Variants in CBLB observed in about 807,000 individuals in gnomAD.
CBLB encodes Cbl proto-oncogene B, also known as E3 ubiquitin-protein ligase CBL-B.
CBLB carries 31 observed loss-of-function variants against 104.9 expected under a neutral mutation model. The ratio of observed to expected loss-of-function variants is 0.30; its 90% confidence interval spans 0.22 to 0.40. The LOEUF is 0.40. CBLB is among the 10% of genes least tolerant of loss of function. CBLB has a pLI of 1.00. For missense variants in CBLB, 1,062 were observed against 1,214.6 expected, an observed-to-expected ratio of 0.87 and a Z score of 1.87; for synonymous variants, 440 against 422.6, an observed-to-expected ratio of 1.04 and a Z score of -0.51.
chr3:105,846,565 G>A (rs548642124), intron 3 of CBLB, among the ~76,000 whole-genome samples: 1 of 152,140 alleles, frequency 6.6e-6, no homozygotes, highest in East Asian at 1.9e-4. Context: ...AAATGTCTGA[G>A]GTGAAAATGT....
At position 105,809,305 on chromosome 3, in the gene CBLB, C is replaced by T. The variant is rs1282986207; in HGVS notation, c.420-32763G>A. 5.3e-5 allele frequency among the ~76,000 whole-genome samples: 8 copies of T among 152,302 alleles called. No individual in the cohort carries two copies. The South Asian group carries it at 8.3e-4, about 16-fold the overall frequency. ...AACATACCCAACACTTGAGTTTCAT[C>T]ATAGGAGATTATTAACATAGACTGA... On this transcript the variant is annotated intron_variant, in intron 3 of 18. Transcript: ENST00000394030.
chr3:105,820,235 C>T (rs569923354), intron 3 of CBLB, among the ~76,000 whole-genome samples: 2 of 152,102 alleles, frequency 1.3e-5, no homozygotes, highest in Admixed American at 6.5e-5. Context: ...TGACAGGAGG[C>T]GGAGCCCAGG....
chr3:105,867,502 T>G lies in CBLB; in HGVS notation c.76A>C (p.Ile26Leu). The G allele has an allele frequency of 6.2e-7, 1 of 1,614,154 alleles. No individual in the cohort carries two copies. Among genetic ancestry groups the G allele is most frequent in the Non-Finnish European group, 8.5e-7 (1 of 1,179,998 alleles). The change falls in exon 2 of 19, where the codon ATT (isoleucine) becomes CTT (leucine). Residue 26 changes from isoleucine to leucine, a missense_variant. Physicochemically the swap from Ile to Leu is conservative, Grantham distance 5. Around this residue, in one of 2 missense-constraint regions of CBLB, gnomAD observed 457 missense variants for 632.0 expected, o/e 0.72. Transcript: ENST00000394030. ...NPRKGRILGI[I>L]DAIQDAVGPP... ...CCAACTGCATCCTGAATAGCATCAATAATACCCAAAATTCGACCTTTTCGG... is the reference window on the plus strand; with the variant it reads ...CCAACTGCATCCTGAATAGCATCAAGAATACCCAAAATTCGACCTTTTCGG...
intron 3 of CBLB, among the ~76,000 whole-genome samples, chr3:105,849,622 G>C (rs1328678590): frequency 1.3e-5 from 2 of 152,038 alleles, no homozygotes; most frequent in Non-Finnish European, 2.9e-5. Flanking sequence ...TACTGAGTTA[G>C]AAAATGTTTC....
intron 3 of CBLB, 109 bp downstream of exon 3, chr3:105,853,305 C>A (rs1307400287): frequency 3.7e-6 from 4 of 1,089,756 alleles, no homozygotes; most frequent in Non-Finnish European, 4.2e-6. Context: ...ATATACAAAG[C>A]GACTCACATT....
At chr3:105,733,143 G>T (rs1167480487) in intron 9 of CBLB, among the ~76,000 whole-genome samples, 1 of 152,002 alleles carries the variant, frequency 6.6e-6, no homozygotes, top group African/African-American at 2.4e-5. Context: ...GGATCACAAG[G>T]TCAGGAGATC....
intron 13 of CBLB, among the ~76,000 whole-genome samples, chr3:105,686,958 A>G (rs1335061701): frequency 6.6e-6 from 1 of 152,110 alleles, no homozygotes; most frequent in Non-Finnish European, 1.5e-5. Flanking sequence ...CTTTCCAATT[A>G]AAGGAAGTTA....
intron 10 of CBLB, among the ~76,000 whole-genome samples, chr3:105,718,548 C>T (rs969852867): frequency 3.3e-5 from 5 of 152,168 alleles, no homozygotes; most frequent in African/African-American, 1.2e-4. Flanking sequence ...GCATTTCCTT[C>T]CTACAGAGAT....
At position 105,853,655 on chromosome 3, in the gene CBLB, A is replaced by C; in HGVS notation, c.178T>G (p.Cys60Gly). Residue 60 changes from cysteine (C) to glycine (G), a missense_variant, in exon 3 of 19, where the codon TGC (cysteine) becomes GGC (glycine). By Grantham distance (159) the Cys-to-Gly change is radical. Around this residue, in one of 2 missense-constraint regions of CBLB, gnomAD observed 457 missense variants for 632.0 expected, o/e 0.72. Transcript: ENST00000394030. ...WKLMDKVVRLCQNPKLQLKNS... is the reference protein window; with the variant it reads ...WKLMDKVVRLGQNPKLQLKNS... ...TTCAACTGAAGTTTGGGATTTTGGCACAGTCTTACCTAAAAACAAAGATAA... is the reference window on the plus strand; with the variant it reads ...TTCAACTGAAGTTTGGGATTTTGGCCCAGTCTTACCTAAAAACAAAGATAA... 1.2e-6 allele frequency: 2 copies of C among 1,601,588 alleles called. No individual in the cohort carries two copies. The highest frequency in any genetic ancestry group is 1.7e-6 in the Non-Finnish European group (2 of 1,171,398).
In CBLB at chr3:105,655,821, A is replaced by C. The variant is rs950051494; in HGVS notation, c.*3149T>G. 9.2e-6 allele frequency: 2 copies of C among 216,388 alleles called. No homozygotes were observed. Among genetic ancestry groups the C allele is most frequent in the African/African-American group, 2.3e-5 (1 of 44,426 alleles). 13.4% of individuals were successfully genotyped at this position (216,388 alleles called of 1,614,324 possible). A position where few individuals can be genotyped will look rare whatever the true frequency, so the allele number is the denominator to read the frequency against. ...TAATTCAGTGCAAATCAAAGCTTCA[A>C]GTTGAAAATCTGAGAGAAAAAATAA... On this transcript the variant is annotated 3_prime_UTR_variant, in exon 19 of 19. Coordinates refer to ENST00000394030, the MANE Select transcript of CBLB (RefSeq NM_170662.5).
At chr3:105,660,689 C>T (rs578199666) in intron 18 of CBLB, among the ~76,000 whole-genome samples, 100 of 152,236 alleles carry the variant, frequency 6.6e-4, no homozygotes, top group Middle Eastern at 3.4e-3. Context: ...CATCTTGTCT[C>T]CCCACTCCTG....
intron 8 of CBLB, among the ~76,000 whole-genome samples, chr3:105,734,509 T>G (rs929877540): frequency 2.7e-5 from 4 of 146,358 alleles, no homozygotes; most frequent in Non-Finnish European, 6.0e-5. Flanking sequence ...TGCCACATGC[T>G]CATATAATTT....
At chr3:105,841,554 G>A (rs1234429428) in intron 3 of CBLB, among the ~76,000 whole-genome samples, 16 of 151,626 alleles carry the variant, frequency 1.1e-4, no homozygotes, top group Admixed American at 9.2e-4. Flanking sequence ...CCGGATTCAC[G>A]CCATTCTCCT....
chr3:105,761,071 C>T (rs1262227642), intron 4 of CBLB, among the ~76,000 whole-genome samples: 2 of 152,120 alleles, frequency 1.3e-5, no homozygotes, highest in Non-Finnish European at 2.9e-5. Context: ...CTCATTCTGT[C>T]ACCCAGGCTG....
At chr3:105,687,310 CAGTTCATTATG>C (rs2067133155) in intron 13 of CBLB, among the ~76,000 whole-genome samples, 1 of 152,080 alleles carries the variant, frequency 6.6e-6, no homozygotes, top group Non-Finnish European at 1.5e-5. Flanking sequence ...TCCAAAGAAG[CAGTTCATTATG>C]AGTCAACAAT....
intron 2 of CBLB, among the ~76,000 whole-genome samples, chr3:105,863,508 T>G (rs1245977887): frequency 1.3e-5 from 2 of 152,198 alleles, no homozygotes; most frequent in African/African-American, 4.8e-5. Flanking sequence ...AACAGGCATC[T>G]AAAACCTGTC....
At chr3:105,685,813 A>G (rs967441504) in intron 13 of CBLB, among the ~76,000 whole-genome samples, 1 of 152,212 alleles carries the variant, frequency 6.6e-6, no homozygotes, top group Non-Finnish European at 1.5e-5. Flanking sequence ...ATTTTGTTCC[A>G]ATTTAAATTA....
chr3:105,733,312 G>A (rs765270131), intron 9 of CBLB, among the ~76,000 whole-genome samples: 3 of 150,944 alleles, frequency 2.0e-5, no homozygotes, highest in Non-Finnish European at 4.4e-5. Flanking sequence ...TGCCGAGATC[G>A]TGCCACTGCA....
At chr3:105,829,987 T>C (rs182475755) in intron 3 of CBLB, among the ~76,000 whole-genome samples, 14 of 152,294 alleles carry the variant, frequency 9.2e-5, no homozygotes, top group Admixed American at 7.2e-4. Flanking sequence ...AACTGTCAGA[T>C]GTATTTTATT....
Sources: gnomAD v4.1 joint callset for allele counts (sites outside exome capture counted in the v4.1 genomes callset) on GRCh38, gnomAD v4.1.1 for gene constraint, gnomAD v4.1.1 regional missense constraint, MANE v1.5 for transcripts, NCBI Gene and HGNC (gene_info 2026-07-23, HGNC 2026-07-21) for gene names.